The following N4BP3 variants were observed in gnomAD, a reference collection of about 807,000 sequenced individuals.
The protein encoded by N4BP3 is NEDD4 binding protein 3.
In N4BP3, 33 loss-of-function variants were observed where a neutral mutation model predicts 43.8. That is an observed-to-expected ratio of 0.75 (90% CI 0.57 to 1.01). The LOEUF (loss-of-function observed/expected upper bound fraction) is 1.01. N4BP3 is among the 50% of genes least tolerant of loss of function. The pLI is 0.00. For missense variants in N4BP3, 756 were observed against 744.2 expected (o/e 1.02, Z -0.18); for synonymous variants, 326 against 321.9 (o/e 1.01, Z -0.14).
rs115186199 is a variant in N4BP3 at position 178,121,195 on chromosome 5, G to A, written c.950G>A (p.Arg317His). Reference sequence around the variant, plus strand: ...ACCCAGAAGGCTGAGCGCAGCGAGCGCAACCTCCAGCTGCAGCTGTTTATG... The same window carrying A: ...ACCCAGAAGGCTGAGCGCAGCGAGCACAACCTCCAGCTGCAGCTGTTTATG... ...EVTQKAERSE[R>H]NLQLQLFMAQ... The change falls in exon 4 of 5, where the codon CGC becomes CAC. Residue 317 changes from arginine to histidine, a missense_variant. Arg to His is a conservative substitution (Grantham distance 29, BLOSUM62 0). Transcript: ENST00000274605. 37,880 of 1,600,856 alleles carry A rather than the reference G, an allele frequency of 0.024. 499 individuals are homozygous for A. The highest frequency in any genetic ancestry group is 0.056 in the Middle Eastern group (315 of 5,670).
rs1051554579 is a variant in N4BP3 at position 178,125,164 on chromosome 5, G to C, written c.*3163G>C. ...GGGACTCCAGGGGCAGCTGCCATTC[G>C]TTCCAGTGATGTATTTGGGGCCTTC... On this transcript the variant is annotated 3_prime_UTR_variant, in exon 5 of 5. Transcript: ENST00000274605. 1 of 152,488 alleles carries C rather than the reference G, an allele frequency of 6.6e-6. No homozygotes were observed. Among genetic ancestry groups the C allele is most frequent in the African/African-American group, 2.4e-5 (1 of 41,576 alleles). 9.4% of individuals were successfully genotyped at this position (152,488 alleles called of 1,614,324 possible).
chr5:178,120,082 A>G (rs543733518), intron 2 of N4BP3, 96 bp from the exon 3 acceptor site: 115 of 1,505,206 alleles, frequency 7.6e-5, no homozygotes, highest in Non-Finnish European at 4.4e-5. Context: ...CCGCGGTCTC[A>G]AAGAGGATCC....
At position 178,121,281 on chromosome 5, in the gene N4BP3, G is replaced by T. The variant is rs1163343720; in HGVS notation, c.1036G>T (p.Glu346Ter). Residue 346 changes from glutamate (E) to a stop codon, truncating the protein, a stop_gained, in exon 4 of 5, where the codon GAG becomes TAG. Transcript: ENST00000274605. LOFTEE classifies it high-confidence loss of function. Reference protein sequence around the residue: ...ELRAQQGLAPEPRAPGTLPEA... With the variant: ...ELRAQQGLAP ...GCGGGCTCAGCAGGGCCTGGCTCCG[G>T]AGCCTCGGGCCCCCGGCACCCTCCC... 1.2e-6 allele frequency: 2 copies of T among 1,606,330 alleles called. No individual in the cohort carries two copies. The highest frequency in any genetic ancestry group is 2.7e-5 in the African/African-American group (2 of 74,688).
At chr5:178,116,347 G>C (rs1039590131) in intron 1 of N4BP3, among the ~76,000 whole-genome samples, 1 of 151,636 alleles carries the variant, frequency 6.6e-6, no homozygotes, top group Non-Finnish European at 1.5e-5. Flanking sequence ...GGAGTGTCCT[G>C]AAAGCTGGGG....
intron 1 of N4BP3, among the ~76,000 whole-genome samples, chr5:178,117,974 G>A (rs1056680704): frequency 1.3e-5 from 2 of 152,166 alleles, no homozygotes; most frequent in East Asian, 3.9e-4. Context: ...ACCATTGTTC[G>A]GGGGCAGGAG....
chr5:178,117,823 G>T (rs573666043), intron 1 of N4BP3, among the ~76,000 whole-genome samples: 1 of 152,134 alleles, frequency 6.6e-6, no homozygotes, highest in South Asian at 2.1e-4. Context: ...GGGTTTGGGG[G>T]TTGGTTGGGG....
chr5:178,118,413 CACTG>C lies in N4BP3; in HGVS notation c.-30-1139_-30-1136del. Among the ~76,000 whole-genome samples, 1 of 152,332 alleles carries C rather than the reference CACTG, an allele frequency of 6.6e-6. No homozygotes were observed. The highest frequency in any genetic ancestry group is 2.1e-4 in the South Asian group (1 of 4,830). ...GGGTGTGTGTGCGGAAGTCCAGGCT[CACTG>C]AGGTTAGTGGCTTGGCCGGGGTCAC... On this transcript the variant is annotated intron_variant, in intron 1 of 4. Transcript: ENST00000274605. This position sits in a 1 kb window ranked among gnomAD's most constrained non-coding sequence, Gnocchi z 5.4.
At chr5:178,119,462 G>C in intron 1 of N4BP3, 92 bp from the exon 2 acceptor site, 2 of 907,222 alleles carry the variant, frequency 2.2e-6, no homozygotes, top group Non-Finnish European at 3.3e-6. Flanking sequence ...AGGTTGTGGG[G>C]AGCTACAGGG....
chr5:178,115,259 G>A (rs1273851715), intron 1 of N4BP3, among the ~76,000 whole-genome samples: 1 of 152,212 alleles, frequency 6.6e-6, no homozygotes, highest in Non-Finnish European at 1.5e-5. Context: ...TTTAGCCCCT[G>A]TCTCTGCCTC....
Position 178,120,280 on chromosome 5 carries a change from A to G in N4BP3, c.433A>G (p.Ser145Gly), listed in dbSNP as rs1757882354. 1 of 1,610,304 alleles carries G rather than the reference A, an allele frequency of 6.2e-7. No homozygotes were observed. Among genetic ancestry groups the G allele is most frequent in the Admixed American group, 1.7e-5 (1 of 59,846 alleles). ...ASHKGQKLWR[S>G]NGSLHTLACH... ...CCACAAAGGCCAGAAGCTGTGGCGC[A>G]GCAATGGCAGCCTGCACACGCTGGC... The change falls in exon 3 of 5, where the codon AGC becomes GGC. Residue 145 changes from serine to glycine, a missense_variant. Transcript: ENST00000274605.
chr5:178,121,386 A>G (rs1342435599), intron 4 of N4BP3, 34 bp downstream of exon 4: 1 of 1,610,336 alleles, frequency 6.2e-7, no homozygotes, highest in South Asian at 1.1e-5. Context: ...AGACTCTCCC[A>G]TCTCCATTGC....
At chr5:178,114,359 C>T (rs1280145761) in intron 1 of N4BP3, among the ~76,000 whole-genome samples, 1 of 152,254 alleles carries the variant, frequency 6.6e-6, no homozygotes, top group Admixed American at 6.5e-5. Context: ...CCTTTATCCC[C>T]CAACCCCCTG....
intron 1 of N4BP3, among the ~76,000 whole-genome samples, chr5:178,115,393 G>A (rs1757749630): frequency 6.6e-6 from 1 of 152,054 alleles, no homozygotes; most frequent in South Asian, 2.1e-4. Context: ...AGGGGCAGCT[G>A]CAGACACGCC....
chr5:178,121,163 C>G lies in N4BP3; in HGVS notation c.918C>G (p.His306Gln), dbSNP rs761856052. The G allele has an allele frequency of 2.5e-6, 4 of 1,601,050 alleles. No homozygotes were observed. The South Asian group carries it at 3.3e-5, about 13-fold the overall frequency. The change falls in exon 4 of 5, where the codon CAC becomes CAG. Residue 306 changes from histidine to glutamine, a missense_variant. By Grantham distance (24) the His-to-Gln change is conservative. Transcript: ENST00000274605. Reference sequence around the variant, plus strand: ...AGCGCCTGTATGTGGAGCGGCTGCACGAGGTGACCCAGAAGGCTGAGCGCA... The same window carrying G: ...AGCGCCTGTATGTGGAGCGGCTGCAGGAGGTGACCCAGAAGGCTGAGCGCA... ...ELKRLYVERL[H>Q]EVTQKAERSE... is the part of the protein sequence containing the mutation.
rs1218716834 is a variant in N4BP3 at position 178,113,581 on chromosome 5, C to G, written c.-221C>G. The G allele has an allele frequency of 6.6e-6, 1 of 151,690 alleles. No individual in the cohort carries two copies. Among genetic ancestry groups the G allele is most frequent in the African/African-American group, 2.4e-5 (1 of 41,384 alleles). 9.4% of individuals were successfully genotyped at this position (151,690 alleles called of 1,614,324 possible). A position where few individuals can be genotyped will look rare whatever the true frequency, so the allele number is the denominator to read the frequency against. ...GCGATCGAGCGCCGCGGAGCGCGTCCCTCCCTCGCCAATCCGGCTCCGGCG... is the reference window on the plus strand; with the variant it reads ...GCGATCGAGCGCCGCGGAGCGCGTCGCTCCCTCGCCAATCCGGCTCCGGCG... On this transcript the variant is annotated 5_prime_UTR_variant, in exon 1 of 5. Transcript: ENST00000274605.
At chr5:178,114,141 C>T (rs1757714472) in intron 1 of N4BP3, among the ~76,000 whole-genome samples, 2 of 152,184 alleles carry the variant, frequency 1.3e-5, no homozygotes, top group South Asian at 2.1e-4. Flanking sequence ...CGGCCTCCGC[C>T]CCCCGGCCCA....
At chr5:178,117,831 G>T (rs1040998255) in intron 1 of N4BP3, among the ~76,000 whole-genome samples, 2 of 152,072 alleles carry the variant, frequency 1.3e-5, no homozygotes, top group African/African-American at 4.8e-5. Context: ...GGGTTGGTTG[G>T]GGGAGAGCTG....
downstream of N4BP3, among the ~76,000 whole-genome samples, chr5:178,126,838 C>T (rs1187774893): frequency 2.6e-5 from 4 of 152,192 alleles, no homozygotes; most frequent in African/African-American, 4.8e-5. Context: ...CATGACAAGA[C>T]AGCCTTTGTT....
intron 1 of N4BP3, among the ~76,000 whole-genome samples, chr5:178,117,541 T>G (rs1303412013): frequency 6.9e-6 from 1 of 145,246 alleles, no homozygotes; most frequent in African/African-American, 2.6e-5. Context: ...ATCCTAGGAG[T>G]TCGAGGCTGC....
Sources: allele counts gnomAD v4.1 joint callset (sites outside exome capture counted in the v4.1 genomes callset), GRCh38; gene constraint gnomAD v4.1.1; non-coding constraint Gnocchi (gnomAD v3.1); transcripts MANE v1.5; gene names NCBI Gene and HGNC (gene_info 2026-07-23, HGNC 2026-07-21).